The following KCNN3 variants were observed in gnomAD, a reference collection of about 807,000 sequenced individuals.
KCNN3 encodes small conductance calcium-activated potassium channel protein 3.
Under a neutral mutation model 62.9 loss-of-function variants are expected in KCNN3, and 16 were observed. That is an observed-to-expected ratio of 0.25 (90% CI 0.17 to 0.39). KCNN3 has a LOEUF of 0.39. KCNN3 is among the 10% of genes least tolerant of loss of function. KCNN3 has a pLI of 1.00. For missense variants in KCNN3, 599 were observed against 949.4 expected (o/e 0.63, Z 4.85); for synonymous variants, 370 against 389.2 (o/e 0.95, Z 0.58).
chr1:154,830,299 A>G (rs887274565), intron 1 of KCNN3, among the ~76,000 whole-genome samples: 2 of 152,216 alleles, frequency 1.3e-5, no homozygotes, highest in African/African-American at 2.4e-5. Flanking sequence ...AGAGGGTCAC[A>G]TTCCCACCGT....
chr1:154,857,067 C>T (rs1571343590), intron 1 of KCNN3, among the ~76,000 whole-genome samples: 1 of 152,198 alleles, frequency 6.6e-6, no homozygotes, highest in Admixed American at 6.5e-5. Flanking sequence ...GTGCCTGCCT[C>T]CCCCACCAGC....
chr1:154,793,771 C>T (rs1649615119), intron 2 of KCNN3, among the ~76,000 whole-genome samples: 1 of 152,152 alleles, frequency 6.6e-6, no homozygotes, highest in African/African-American at 2.4e-5. Flanking sequence ...ACGTAGTTGA[C>T]TAAGCTGACT....
chr1:154,823,245 C>T (rs1021036701), intron 1 of KCNN3, among the ~76,000 whole-genome samples: 4 of 152,124 alleles, frequency 2.6e-5, no homozygotes, highest in Admixed American at 6.5e-5. Flanking sequence ...CAAAGGAAGG[C>T]GGGAACACAG....
intron 2 of KCNN3, among the ~76,000 whole-genome samples, chr1:154,810,356 C>T (rs367978027): frequency 5.3e-5 from 8 of 152,048 alleles, no homozygotes; most frequent in South Asian, 2.1e-4. Flanking sequence ...TGACTCCAGG[C>T]GAGCAGAAGT....
At chr1:154,838,045 C>T (rs1651672626) in intron 1 of KCNN3, among the ~76,000 whole-genome samples, 1 of 152,218 alleles carries the variant, frequency 6.6e-6, no homozygotes. Flanking sequence ...ACCCCTCTCC[C>T]TCCAGCTGCC....
At chr1:154,822,411 G>A (rs1047656711) in intron 1 of KCNN3, among the ~76,000 whole-genome samples, 4 of 152,164 alleles carry the variant, frequency 2.6e-5, no homozygotes, top group Admixed American at 6.5e-5. Flanking sequence ...CTGTTTTCTC[G>A]GGCTAAGTCG....
In KCNN3 at chr1:154,708,142, A is replaced by G; in HGVS notation, c.2030T>C (p.Ile677Thr). 2 of 1,613,732 alleles carry G rather than the reference A, an allele frequency of 1.2e-6. No homozygotes were observed. The highest frequency in any genetic ancestry group is 1.7e-6 in the Non-Finnish European group (2 of 1,180,010). Residue 677 changes from isoleucine to threonine, a missense_variant, in exon 8 of 8, where the codon ATC becomes ACC. Coordinates refer to ENST00000271915, the MANE Select transcript of KCNN3 (RefSeq NM_002249.6). ...CTGCTGCTGGCGCAGGGTGTCGGCG[A>G]TGAGCAGCGGCAGGGAGTTGAAGCT... ...TASFNSLPLL[I>T]ADTLRQQQQQ... is the part of the protein sequence containing the mutation.
At chr1:154,742,665 T>C (rs997366599) in intron 3 of KCNN3, among the ~76,000 whole-genome samples, 1 of 152,240 alleles carries the variant, frequency 6.6e-6, no homozygotes, top group African/African-American at 2.4e-5. Flanking sequence ...TCTGTGACCT[T>C]GAGCAGATCA....
chr1:154,821,285 C>G (rs1483907401), intron 2 of KCNN3, among the ~76,000 whole-genome samples: 1 of 152,196 alleles, frequency 6.6e-6, no homozygotes, highest in Non-Finnish European at 1.5e-5. Context: ...GGGATGGTTT[C>G]CAGATTCACA....
chr1:154,809,587 T>C lies in KCNN3; in HGVS notation c.1029+12502A>G, dbSNP rs1650315948. On this transcript the variant is annotated intron_variant, in intron 2 of 7. Coordinates refer to ENST00000271915, the MANE Select transcript of KCNN3 (RefSeq NM_002249.6). The surrounding 1 kb of genome is among the most constrained non-coding windows in gnomAD (Gnocchi z 4.3). ...GTATCAATGGTTTAGATGAAGCTAT[T>C]ATACTCAGGCTCATCACATGTGGGA... 6.6e-6 allele frequency among the ~76,000 whole-genome samples: 1 copy of C among 152,224 alleles called. No homozygotes were observed. The highest frequency in any genetic ancestry group is 1.5e-5 in the Non-Finnish European group (1 of 68,038).
intron 2 of KCNN3, among the ~76,000 whole-genome samples, chr1:154,792,847 C>A (rs1258357655): frequency 6.6e-6 from 1 of 152,168 alleles, no homozygotes; most frequent in African/African-American, 2.4e-5. Flanking sequence ...GCCTGTGATG[C>A]AGGCAGAAGT....
intron 7 of KCNN3, among the ~76,000 whole-genome samples, chr1:154,708,640 C>T (rs1192460820): frequency 2.6e-5 from 4 of 151,782 alleles, no homozygotes; most frequent in Non-Finnish European, 4.4e-5. Context: ...CCAGAGAAGA[C>T]GCTGGTGGGG....
chr1:154,750,278 G>T (rs3014805), intron 3 of KCNN3, among the ~76,000 whole-genome samples: 2 of 152,238 alleles, frequency 1.3e-5, no homozygotes, highest in African/African-American at 4.8e-5. Flanking sequence ...GGAAGGGAAG[G>T]CTCCAGGCCT....
intron 1 of KCNN3, among the ~76,000 whole-genome samples, chr1:154,846,323 G>A (rs762488288): frequency 3.3e-5 from 5 of 152,082 alleles, no homozygotes; most frequent in Non-Finnish European, 7.4e-5. Context: ...TCATCAATGG[G>A]CTTATTCTCC....
chr1:154,792,833 C>T (rs1649575535), intron 2 of KCNN3, among the ~76,000 whole-genome samples: 1 of 152,180 alleles, frequency 6.6e-6, no homozygotes, highest in East Asian at 1.9e-4. Context: ...AGCTGCCTTC[C>T]CTTGCCTGTG....
intron 1 of KCNN3, among the ~76,000 whole-genome samples, chr1:154,858,172 A>G (rs1233977044): frequency 1.3e-5 from 2 of 152,160 alleles, no homozygotes; most frequent in African/African-American, 4.8e-5. Context: ...GAGCAGGGGA[A>G]AGCATCTTGG....
chr1:154,726,329 T>C (rs1484238267), intron 4 of KCNN3, among the ~76,000 whole-genome samples: 1 of 151,558 alleles, frequency 6.6e-6, no homozygotes, highest in Non-Finnish European at 1.5e-5. Context: ...CTTTGGGGGG[T>C]TTAACCAACA....
rs889089168 is a variant in KCNN3 at position 154,703,901 on chromosome 1, C to G, written c.*4075G>C. The G allele has an allele frequency of 6.6e-6, 1 of 152,146 alleles. No homozygotes were observed. Among genetic ancestry groups the G allele is most frequent in the African/African-American group, 2.4e-5 (1 of 41,424 alleles). The allele number at this position is 152,146 out of a possible 1,614,324, so 9.4% of individuals were successfully genotyped here. A position where few individuals can be genotyped will look rare whatever the true frequency, so the allele number is the denominator to read the frequency against. On this transcript the variant is annotated 3_prime_UTR_variant, in exon 8 of 8. Transcript: ENST00000271915. ...ATTGTACTTAAGAATATTAATTATT[C>G]TCTTCATTTTAAGTACAGAGAAATT...
intron 3 of KCNN3, among the ~76,000 whole-genome samples, chr1:154,751,452 C>G (rs1647377014): frequency 6.6e-6 from 1 of 152,206 alleles, no homozygotes; most frequent in Admixed American, 6.5e-5. Flanking sequence ...GTGGAAACCA[C>G]CTAGCAGCCT....
Sources: gnomAD v4.1 joint callset for allele counts (sites outside exome capture counted in the v4.1 genomes callset) on GRCh38, gnomAD v4.1.1 for gene constraint, Gnocchi (gnomAD v3.1) non-coding constraint, MANE v1.5 for transcripts, NCBI Gene and HGNC (gene_info 2026-07-23, HGNC 2026-07-21) for gene names.